TNXB: variants seen among roughly 807,000 people sequenced by gnomAD.
The protein encoded by TNXB is tenascin-X.
A neutral mutation model predicts 340.5 loss-of-function variants in TNXB; 183 were observed. The observed-to-expected ratio is 0.54, with a 90% CI of 0.48 to 0.61. TNXB has a LOEUF of 0.61. TNXB is among the 20% of genes least tolerant of loss of function. The pLI is 0.00. For missense variants in TNXB, 4,613 were observed against 5,446.4 expected (o/e 0.85, Z 4.82); for synonymous variants, 2,121 against 2,314.5 (o/e 0.92, Z 2.40).
At position 32,062,020 on chromosome 6, in the gene TNXB, A is replaced by C. The variant is rs1778049070; in HGVS notation, c.7168+137T>G. ...AGGGGTCAACCACACAAAAAGGTAC[A>C]ATGGGAGCCCCAGCCCCAGCCACAA... On this transcript the variant is annotated intron_variant, in intron 20 of 43. Transcript: ENST00000644971. This position sits in a 1 kb window ranked among gnomAD's most constrained non-coding sequence, Gnocchi z 4.3. The C allele has an allele frequency of 8.3e-7, 1 of 1,208,384 alleles. No homozygotes were observed. The highest frequency in any genetic ancestry group is 1.5e-5 in the African/African-American group (1 of 65,262). 74.9% of individuals were successfully genotyped at this position (1,208,384 alleles called of 1,614,324 possible).
At chr6:32,045,855 C>T (rs1282044438) in intron 31 of TNXB, 1 of 1,146,330 alleles carries the variant, frequency 8.7e-7, no homozygotes, top group Non-Finnish European at 1.1e-6. Flanking sequence ...TTGCCGCTAT[C>T]TGGACAAGGC....
Position 32,069,194 on chromosome 6 carries a change from C to A in TNXB, c.5588-58G>T, listed in dbSNP as rs1316422898. 2.0e-6 allele frequency: 3 copies of A among 1,516,556 alleles called. No individual in the cohort carries two copies. Among genetic ancestry groups the A allele is most frequent in the African/African-American group, 2.7e-5 (2 of 73,352 alleles). 93.9% of individuals were successfully genotyped at this position (1,516,556 alleles called of 1,614,324 possible). On this transcript the variant is annotated intron_variant, in intron 15 of 43. Transcript: ENST00000644971. This position sits in a 1 kb window ranked among gnomAD's most constrained non-coding sequence, Gnocchi z 6.2. ...TGGTGTGTCGCTGCACCCAGACTCT[C>A]AGGAGGAGTGAGGGAGGAGAGGGAG...
In TNXB at chr6:32,081,569, A is replaced by G. The variant is rs763267654; in HGVS notation, c.3841T>C (p.Trp1281Arg). ...TCGAAGGGGCCCTGGGCCACTGTCCATGAGAGACGCAAGGAGTCTGGGGTC... is the reference window on the plus strand; with the variant it reads ...TCGAAGGGGCCCTGGGCCACTGTCCGTGAGAGACGCAAGGAGTCTGGGGTC... ...GVTPDSLRLS[W>R]TVAQGPFDSF... The change falls in exon 10 of 44, where the codon TGG (tryptophan) becomes CGG (arginine). Residue 1281 changes from tryptophan (W) to arginine (R), a missense_variant. Trp to Arg is a moderately radical substitution (Grantham distance 101, BLOSUM62 -3). Around this residue, in one of 7 missense-constraint regions of TNXB, gnomAD observed 4,327 missense variants for 4,859.4 expected, o/e 0.89. Coordinates refer to ENST00000644971, the MANE Select transcript of TNXB (RefSeq NM_001365276.2). This position sits in a 1 kb window ranked among gnomAD's most constrained non-coding sequence, Gnocchi z 5.1. The G allele has an allele frequency of 2.5e-6, 4 of 1,603,558 alleles. No individual in the cohort carries two copies. The highest frequency in any genetic ancestry group is 3.4e-6 in the Non-Finnish European group (4 of 1,175,438).
Position 32,080,711 on chromosome 6 carries a change from C to T in TNXB, c.4042+657G>A, listed in dbSNP as rs2127252742. Among the ~76,000 whole-genome samples the T allele has an allele frequency of 6.6e-6, 1 of 152,292 alleles. No homozygotes were observed. The highest frequency in any genetic ancestry group is 2.4e-5 in the African/African-American group (1 of 41,546). On this transcript the variant is annotated intron_variant, in intron 10 of 43. Transcript: ENST00000644971. This position sits in a 1 kb window ranked among gnomAD's most constrained non-coding sequence, Gnocchi z 4.3. ...CGGAGTCTTTGCTCCTAACCACTATCCACACTATCTCTCATCAAATAATTC... is the reference window on the plus strand; with the variant it reads ...CGGAGTCTTTGCTCCTAACCACTATTCACACTATCTCTCATCAAATAATTC...
At position 32,096,301 on chromosome 6, in the gene TNXB, A is replaced by T. The variant is rs1780353498; in HGVS notation, c.1552T>A (p.Phe518Ile). ...VDGRCVCNPG[F>I]TGEDCGSRRC... is the part of the protein sequence containing the mutation. Reference sequence around the variant, plus strand: ...CGGCTCCCACAGTCCTCACCGGTGAAGCCCGGGTTGCACACGCAGCGGCCA... The same window carrying T: ...CGGCTCCCACAGTCCTCACCGGTGATGCCCGGGTTGCACACGCAGCGGCCA... Residue 518 changes from phenylalanine to isoleucine, a missense_variant, in exon 3 of 44, where the codon TTC becomes ATC. By Grantham distance (21) the Phe-to-Ile change is conservative. Coordinates refer to ENST00000644971, the MANE Select transcript of TNXB (RefSeq NM_001365276.2). The T allele has an allele frequency of 6.4e-7, 1 of 1,552,464 alleles. No homozygotes were observed. The highest frequency in any genetic ancestry group is 8.7e-7 in the Non-Finnish European group (1 of 1,153,580).
Position 32,097,760 on chromosome 6 carries a change from C to A in TNXB, c.403+36G>T, listed in dbSNP as rs750363065. The A allele has an allele frequency of 3.3e-6, 5 of 1,494,896 alleles. No homozygotes were observed. Among genetic ancestry groups the A allele is most frequent in the Non-Finnish European group, 3.6e-6 (4 of 1,122,288 alleles). 92.6% of individuals were successfully genotyped at this position (1,494,896 alleles called of 1,614,324 possible). A position where few individuals can be genotyped will look rare whatever the true frequency, so the allele number is the denominator to read the frequency against. On this transcript the variant is annotated intron_variant, in intron 2 of 43. Transcript: ENST00000644971. The surrounding 1 kb of genome is among the most constrained non-coding windows in gnomAD (Gnocchi z 5.9). ...ATGGACTAGCAATGCCCACCCCACC[C>A]CACCTCTCCACCCTCTTCTGTGATC...
In TNXB at chr6:32,049,656, G is replaced by A. The variant is rs944582820; in HGVS notation, c.9440-69C>T. Reference sequence around the variant, plus strand: ...GGGTCCTGGGGAAAAGGAGGGAGAAGCCAAGGCTATGACTGGGGGACCTGA... The same window carrying A: ...GGGTCCTGGGGAAAAGGAGGGAGAAACCAAGGCTATGACTGGGGGACCTGA... On this transcript the variant is annotated intron_variant, in intron 27 of 43. Coordinates refer to ENST00000644971, the MANE Select transcript of TNXB (RefSeq NM_001365276.2). The surrounding 1 kb of genome is among the most constrained non-coding windows in gnomAD (Gnocchi z 4.5). 2.0e-6 allele frequency: 3 copies of A among 1,529,544 alleles called. No individual in the cohort carries two copies. Among genetic ancestry groups the A allele is most frequent in the Non-Finnish European group, 2.7e-6 (3 of 1,130,194 alleles). 94.7% of individuals were successfully genotyped at this position (1,529,544 alleles called of 1,614,324 possible). A position where few individuals can be genotyped will look rare whatever the true frequency, so the allele number is the denominator to read the frequency against.
chr6:32,073,661 A>G lies in TNXB; in HGVS notation c.4667T>C (p.Val1556Ala). ...CCATTACTCACCCGTCACGATGACC[A>G]CAGACAGGGGGCCCATGCGTTGCCC... ...HDGQRMGPLS[V>A]VIVTAPLPPA... The change falls in exon 12 of 44, where the codon GTG becomes GCG. Residue 1556 changes from valine (V) to alanine (A), a missense_variant. Physicochemically the swap from Val to Ala is moderately conservative, Grantham distance 64 (BLOSUM62 0). Coordinates refer to ENST00000644971, the MANE Select transcript of TNXB (RefSeq NM_001365276.2). The surrounding 1 kb of genome is among the most constrained non-coding windows in gnomAD (Gnocchi z 4.6). 1 of 1,607,746 alleles carries G rather than the reference A, an allele frequency of 6.2e-7. No homozygotes were observed. The highest frequency in any genetic ancestry group is 8.5e-7 in the Non-Finnish European group (1 of 1,177,208).
chr6:32,056,893 G>C lies in TNXB; in HGVS notation c.7836C>G (p.Ala2612=). 1.2e-6 allele frequency: 2 copies of C among 1,611,160 alleles called. No individual in the cohort carries two copies. Among genetic ancestry groups the C allele is most frequent in the Non-Finnish European group, 1.7e-6 (2 of 1,178,474 alleles). ...TGGTAGGCACTGCTTGGGTGGTCTCGGCTTCATCCTCTGGAGTTGGACAGA... is the reference window on the plus strand; with the variant it reads ...TGGTAGGCACTGCTTGGGTGGTCTCCGCTTCATCCTCTGGAGTTGGACAGA... ...VSAVGVTEDE[A]ETTQAVPTMT... is the part of the protein sequence containing the mutation. Residue 2612 remains alanine (A), a synonymous_variant, in exon 23 of 44, where the codon GCC becomes GCG. Coordinates refer to ENST00000644971, the MANE Select transcript of TNXB (RefSeq NM_001365276.2).
Position 32,097,637 on chromosome 6 carries a change from G to A in TNXB, c.403+159C>T. 1.8e-6 allele frequency: 2 copies of A among 1,108,772 alleles called. No individual in the cohort carries two copies. The highest frequency in any genetic ancestry group is 2.5e-6 in the Non-Finnish European group (2 of 801,470). The allele number at this position is 1,108,772 out of a possible 1,614,324, so 68.7% of individuals were successfully genotyped here. On this transcript the variant is annotated intron_variant, in intron 2 of 43. Transcript: ENST00000644971. This position sits in a 1 kb window ranked among gnomAD's most constrained non-coding sequence, Gnocchi z 5.9. ...CCCTCGCATATGCTTTGGTTGACATGTAGCCCAGCTCTGCTCTCCAAGTTG... is the reference window on the plus strand; with the variant it reads ...CCCTCGCATATGCTTTGGTTGACATATAGCCCAGCTCTGCTCTCCAAGTTG...
intron 11 of TNXB, among the ~76,000 whole-genome samples, chr6:32,076,838 C>T (rs573778891): frequency 6.6e-5 from 10 of 151,988 alleles, no homozygotes; most frequent in Non-Finnish European, 8.8e-5. Flanking sequence ...AAAAATTAGC[C>T]GGGTGTGGTG....
At position 32,064,894 on chromosome 6, in the gene TNXB, G is replaced by T; in HGVS notation, c.6768C>A (p.His2256Gln). 1.9e-6 allele frequency: 3 copies of T among 1,612,748 alleles called. No individual in the cohort carries two copies. Among genetic ancestry groups the T allele is most frequent in the Non-Finnish European group, 2.5e-6 (3 of 1,179,860 alleles). ...GVTISGLEPD[H>Q]KYKMNLYGFH... ...AGCCGTACAGGTTCATCTTGTACTT[G>T]TGGTCTGGCTCCAGGCCCGAGATGG... Residue 2256 changes from histidine to glutamine, a missense_variant, in exon 19 of 44, where the codon CAC becomes CAA. Physicochemically the swap from His to Gln is conservative, Grantham distance 24 (BLOSUM62 0). This residue lies in a region of TNXB where 4,327 missense variants were observed against 4,859.4 expected (regional missense o/e 0.89). Transcript: ENST00000644971. The surrounding 1 kb of genome is among the most constrained non-coding windows in gnomAD (Gnocchi z 5.3).
Position 32,062,257 on chromosome 6 carries a change from G to A in TNXB, c.7068C>T (p.Val2356=). 6.2e-7 allele frequency: 1 copy of A among 1,613,316 alleles called. No homozygotes were observed. Among genetic ancestry groups the A allele is most frequent in the Non-Finnish European group, 8.5e-7 (1 of 1,179,860 alleles). The stretch of plus-strand genomic sequence containing the variant: ...TGTCTGGCTCCAGGCCGGAGATGGT[G>A]ACCCTGTCCTCATGTCCTGGCACCC... The part of the protein sequence containing the change: ...ATRVPGHEDR[V]TISGLEPDNK... The change falls in exon 20 of 44, where the codon GTC becomes GTT. Residue 2356 remains valine, a synonymous_variant. Transcript: ENST00000644971. The surrounding 1 kb of genome is among the most constrained non-coding windows in gnomAD (Gnocchi z 4.3).
chr6:32,080,856 G>A lies in TNXB; in HGVS notation c.4042+512C>T, dbSNP rs1163899452. Among the ~76,000 whole-genome samples the A allele has an allele frequency of 6.6e-6, 1 of 152,148 alleles. No homozygotes were observed. Among genetic ancestry groups the A allele is most frequent in the African/African-American group, 2.4e-5 (1 of 41,436 alleles). On this transcript the variant is annotated intron_variant, in intron 10 of 43. Coordinates refer to ENST00000644971, the MANE Select transcript of TNXB (RefSeq NM_001365276.2). This position sits in a 1 kb window ranked among gnomAD's most constrained non-coding sequence, Gnocchi z 4.3. Reference sequence around the variant, plus strand: ...CAAGGGGGCTGGGAGTCAAGGAGTCGGGAGCTGAGAGGAGTCCTCTTCATG... The same window carrying A: ...CAAGGGGGCTGGGAGTCAAGGAGTCAGGAGCTGAGAGGAGTCCTCTTCATG...
In TNXB at chr6:32,043,865, C is replaced by A; in HGVS notation, c.11414G>T (p.Gly3805Val). Reference sequence around the variant, plus strand: ...CTGGAGTTTCTGGGTCCGGGCCTGGCCATCCACCTGCACACTCTGAGGCTC... The same window carrying A: ...CTGGAGTTTCTGGGTCCGGGCCTGGACATCCACCTGCACACTCTGAGGCTC... ...GGEPQSVQVD[G>V]QARTQKLQGL... Residue 3805 changes from glycine (G) to valine (V), a missense_variant, in exon 35 of 44, where the codon GGC becomes GTC. Gly to Val is a moderately radical substitution (Grantham distance 109). Transcript: ENST00000644971. The A allele has an allele frequency of 6.2e-7, 1 of 1,613,726 alleles. No homozygotes were observed. Among genetic ancestry groups the A allele is most frequent in the African/African-American group, 1.3e-5 (1 of 74,998 alleles).
chr6:32,048,760 CTTGT>C, intron 28 of TNXB, 110 bp from the exon 29 acceptor site: 1 of 1,121,162 alleles, frequency 8.9e-7, no homozygotes, highest in Non-Finnish European at 1.2e-6. Flanking sequence ...CTCTAAAACG[CTTGT>C]TTTAGAATCT....
In TNXB at chr6:32,095,202, G is replaced by C. The variant is rs949525805; in HGVS notation, c.2243-11C>G. 6.5e-7 allele frequency: 1 copy of C among 1,546,956 alleles called. No homozygotes were observed. The highest frequency in any genetic ancestry group is 8.7e-7 in the Non-Finnish European group (1 of 1,143,904). On this transcript the variant is annotated splice_polypyrimidine_tract_variant and intron_variant, in intron 3 of 43. Coordinates refer to ENST00000644971, the MANE Select transcript of TNXB (RefSeq NM_001365276.2). ...CAATGGTTGGCACCTCTGCCCAAGA[G>C]AATGGGTTAGGGAAAGCTGGTTAGC...
At position 32,095,603 on chromosome 6, in the gene TNXB, C is replaced by T. The variant is rs1264078320; in HGVS notation, c.2242+8G>A. ...CCCAGAGTACACTGGGGAAGGCTGC[C>T]TGCTCACCTTCTCCGCAGTCTTCGC... On this transcript the variant is annotated splice_region_variant and intron_variant, in intron 3 of 43. Transcript: ENST00000644971. 2 of 1,606,136 alleles carry T rather than the reference C, an allele frequency of 1.2e-6. No individual in the cohort carries two copies. The highest frequency in any genetic ancestry group is 2.2e-5 in the South Asian group (2 of 90,426).
Position 32,046,312 on chromosome 6 carries a change from G to C in TNXB, c.10469C>G (p.Pro3490Arg). Residue 3490 changes from proline (P) to arginine (R), a missense_variant, in exon 31 of 44, where the codon CCC becomes CGC. This residue lies in a region of TNXB where 4,327 missense variants were observed against 4,859.4 expected (regional missense o/e 0.89). Coordinates refer to ENST00000644971, the MANE Select transcript of TNXB (RefSeq NM_001365276.2). This position sits in a 1 kb window ranked among gnomAD's most constrained non-coding sequence, Gnocchi z 6.9. ...GTCTGCGGCCACAGGCACTGCCCTGGGCTGCCCGTCCGTGTCCCTGTACTG... is the reference window on the plus strand; with the variant it reads ...GTCTGCGGCCACAGGCACTGCCCTGCGCTGCCCGTCCGTGTCCCTGTACTG... The part of the protein sequence containing the change: ...VVQYRDTDGQ[P>R]RAVPVAADQR... 1 of 1,606,666 alleles carries C rather than the reference G, an allele frequency of 6.2e-7. No individual in the cohort carries two copies. The highest frequency in any genetic ancestry group is 1.1e-5 in the South Asian group (1 of 89,730).
Sources: gnomAD v4.1 joint callset for allele counts (sites outside exome capture counted in the v4.1 genomes callset) on GRCh38, gnomAD v4.1.1 for gene constraint, gnomAD v4.1.1 regional missense constraint, Gnocchi (gnomAD v3.1) non-coding constraint, MANE v1.5 for transcripts, NCBI Gene and HGNC (gene_info 2026-07-23, HGNC 2026-07-21) for gene names.